The following PTPRG variants were observed in gnomAD, a reference collection of about 807,000 sequenced individuals.
The protein encoded by PTPRG is receptor-type tyrosine-protein phosphatase gamma.
Under a neutral mutation model 165.3 loss-of-function variants are expected in PTPRG, and 102 were observed. The ratio of observed to expected loss-of-function variants is 0.62; its 90% CI spans 0.53 to 0.73. PTPRG has a LOEUF of 0.73. Ranked by LOEUF, PTPRG falls within the 30% of genes least tolerant of loss-of-function variation. PTPRG has a pLI of 0.00. For missense variants in PTPRG, 1,866 were observed against 1,861.4 expected (o/e 1.00, Z -0.05); for synonymous variants, 675 against 669.5 (o/e 1.01, Z -0.13).
At chr3:61,696,341 A>G (rs1280932206) in intron 1 of PTPRG, among the ~76,000 whole-genome samples, 4 of 152,090 alleles carry the variant, frequency 2.6e-5, no homozygotes, top group Non-Finnish European at 4.4e-5. Flanking sequence ...GTCTCTACTA[A>G]AAATACAAAA....
At position 61,962,620 on chromosome 3, in the gene PTPRG, G is replaced by A. The variant is rs370682843; in HGVS notation, c.191-27005G>A. On this transcript the variant is annotated intron_variant, in intron 2 of 29. Transcript: ENST00000474889. ...CCCTTTGGGAAGTATAGTCAAAAGC[G>A]GGAACGTATTTATTGAGTAATCAAT... is the stretch of plus-strand genomic sequence containing the variant. Among the ~76,000 whole-genome samples, 9 of 152,248 alleles carry A rather than the reference G, an allele frequency of 5.9e-5. No homozygotes were observed. The South Asian group carries it at 8.3e-4, about 14-fold the overall frequency.
At chr3:62,241,134 C>G (rs746194491) in intron 14 of PTPRG, among the ~76,000 whole-genome samples, 13 of 151,924 alleles carry the variant, frequency 8.6e-5, no homozygotes, top group Non-Finnish European at 1.8e-4. Context: ...ATTTGTCTTG[C>G]CTAATTTTTC....
At chr3:61,649,548 C>G (rs189800658) in intron 1 of PTPRG, among the ~76,000 whole-genome samples, 1 of 152,166 alleles carries the variant, frequency 6.6e-6, no homozygotes, top group Non-Finnish European at 1.5e-5. Context: ...GGTTCTTAAT[C>G]TCATTAACAA....
At chr3:62,085,270 G>C (rs997242599) in intron 5 of PTPRG, among the ~76,000 whole-genome samples, 5 of 152,162 alleles carry the variant, frequency 3.3e-5, no homozygotes, top group African/African-American at 4.8e-5. Context: ...CACCCAAAAA[G>C]GTTGCTGTTT....
intron 6 of PTPRG, among the ~76,000 whole-genome samples, chr3:62,145,037 T>C (rs1576059522): frequency 6.6e-6 from 1 of 152,088 alleles, no homozygotes; most frequent in African/African-American, 2.4e-5. Flanking sequence ...TACCTCCATT[T>C]GCCTACTGCA....
At chr3:62,036,648 T>C (rs1002322770) in intron 4 of PTPRG, among the ~76,000 whole-genome samples, 1 of 152,214 alleles carries the variant, frequency 6.6e-6, no homozygotes, top group Admixed American at 6.5e-5. Flanking sequence ...TACACTTAGA[T>C]ATGCAACTTC....
intron 2 of PTPRG, among the ~76,000 whole-genome samples, chr3:61,860,423 TG>T (rs1318412152): frequency 6.8e-6 from 1 of 147,922 alleles, no homozygotes. Flanking sequence ...TGCTTTTTTT[TG>T]TTTTTGTTCC....
At chr3:61,706,387 T>TA (rs2031260077) in intron 1 of PTPRG, among the ~76,000 whole-genome samples, 1 of 152,074 alleles carries the variant, frequency 6.6e-6, no homozygotes, top group Admixed American at 6.5e-5. Context: ...TTTTTTTTTT[T>TA]ATAACATGTA....
intron 2 of PTPRG, among the ~76,000 whole-genome samples, chr3:61,882,044 G>A (rs2037902324): frequency 6.6e-6 from 1 of 152,170 alleles, no homozygotes; most frequent in Admixed American, 6.5e-5. Context: ...TTCTACATTT[G>A]ATTGACTCCT....
intron 12 of PTPRG, among the ~76,000 whole-genome samples, chr3:62,207,623 A>C (rs1700261878): frequency 6.6e-6 from 1 of 152,252 alleles, no homozygotes; most frequent in Non-Finnish European, 1.5e-5. Flanking sequence ...TGGTCTCTGA[A>C]AAGAGTGATA....
intron 1 of PTPRG, among the ~76,000 whole-genome samples, chr3:61,706,151 GC>G (rs2031239890): frequency 6.6e-6 from 1 of 151,934 alleles, no homozygotes; most frequent in Non-Finnish European, 1.5e-5. Context: ...CTTAAAGAGA[GC>G]TTTTAAAATT....
At chr3:61,792,070 G>T (rs2034892360) in intron 2 of PTPRG, among the ~76,000 whole-genome samples, 2 of 152,124 alleles carry the variant, frequency 1.3e-5, no homozygotes, top group Admixed American at 6.5e-5. Context: ...GGGTTGCTGT[G>T]ACCTCAGAGT....
chr3:61,708,397 C>G (rs1178504944), intron 1 of PTPRG, among the ~76,000 whole-genome samples: 1 of 150,034 alleles, frequency 6.7e-6, no homozygotes, highest in Non-Finnish European at 1.5e-5. Flanking sequence ...CATTAGCTCA[C>G]CAAAACTTCT....
intron 6 of PTPRG, among the ~76,000 whole-genome samples, chr3:62,134,079 C>G (rs1703617128): frequency 6.6e-6 from 1 of 152,168 alleles, no homozygotes; most frequent in Non-Finnish European, 1.5e-5. Context: ...CTCCCAAAGA[C>G]TCCACCTCAT....
intron 1 of PTPRG, among the ~76,000 whole-genome samples, chr3:61,692,659 TG>T (rs1251755957): frequency 3.3e-5 from 5 of 151,236 alleles, no homozygotes; most frequent in Admixed American, 6.6e-5. Flanking sequence ...CAGGCAAGAG[TG>T]GGGGTCACAA....
chr3:61,697,899 A>C (rs1327976324), intron 1 of PTPRG, among the ~76,000 whole-genome samples: 1 of 152,146 alleles, frequency 6.6e-6, no homozygotes, highest in Non-Finnish European at 1.5e-5. Flanking sequence ...ATTCAGAGGG[A>C]GAGGGAAAAT....
At chr3:61,742,932 G>A (rs1012013319) in intron 1 of PTPRG, 56 of 1,465,472 alleles carry the variant, frequency 3.8e-5, no homozygotes, top group Non-Finnish European at 4.6e-5. Context: ...ACTTAGGGCG[G>A]GGAGTGGACT....
rs544404854 is a variant in PTPRG, at chr3:62,123,943, G to C, written c.616-8659G>C. 5.7e-4 allele frequency among the ~76,000 whole-genome samples: 86 copies of C among 152,162 alleles called. 2 individuals carry two copies. The South Asian group carries it at 0.018, about 31-fold the overall frequency. On this transcript the variant is annotated intron_variant, in intron 5 of 29. Transcript: ENST00000474889. ...GTTTTCGCTCCCCATGGTGGGAATAGTATATGAAAAAAACCTTCCAACTGC... is the reference window on the plus strand; with the variant it reads ...GTTTTCGCTCCCCATGGTGGGAATACTATATGAAAAAAACCTTCCAACTGC...
intron 1 of PTPRG, among the ~76,000 whole-genome samples, chr3:61,607,486 G>A (rs1032599742): frequency 1.3e-5 from 2 of 152,030 alleles, no homozygotes; most frequent in Admixed American, 1.3e-4. Flanking sequence ...CAGCCACATC[G>A]CTACCGCTCT....
Sources: allele counts gnomAD v4.1 joint callset (sites outside exome capture counted in the v4.1 genomes callset), GRCh38; gene constraint gnomAD v4.1.1; transcripts MANE v1.5; gene names NCBI Gene and HGNC (gene_info 2026-07-23, HGNC 2026-07-21).